Variants in NCKAP5 observed in about 807,000 individuals in gnomAD.
NCKAP5 encodes the protein NCK associated protein 5.
In NCKAP5, 92 loss-of-function variants were observed where a neutral mutation model predicts 167.0. The ratio of observed to expected loss-of-function variants is 0.55; its 90% CI spans 0.47 to 0.66. The LOEUF (loss-of-function observed/expected upper bound fraction) is 0.66, where lower values mean the gene tolerates loss of function less well. Ranked by LOEUF, NCKAP5 falls within the 30% of genes least tolerant of loss-of-function variation. The pLI, the probability that NCKAP5 is intolerant of heterozygous loss-of-function variation, is 0.00. For synonymous variants in NCKAP5, 891 were observed against 877.4 expected (o/e 1.02, Z -0.27); for missense variants, 2,378 against 2,315.0 (o/e 1.03, Z -0.56).
chr2:133,012,926 G>T (rs1331768611), intron 6 of NCKAP5, among the ~76,000 whole-genome samples: 1 of 152,104 alleles, frequency 6.6e-6, no homozygotes, highest in Non-Finnish European at 1.5e-5. Flanking sequence ...ATCTACAGGT[G>T]CCAGTCACCA....
At chr2:132,994,057 T>C in intron 7 of NCKAP5, 95 bp downstream of exon 7, 1 of 885,790 alleles carries the variant, frequency 1.1e-6, no homozygotes, top group Non-Finnish European at 1.7e-6. Flanking sequence ...GGAACACACC[T>C]TTTATTTATC....
chr2:133,001,865 C>G lies in NCKAP5; in HGVS notation c.342-7626G>C, dbSNP rs768794864. Among the ~76,000 whole-genome samples the G allele has an allele frequency of 4.1e-4, 63 of 152,118 alleles. 2 individuals carry two copies. The highest frequency in any genetic ancestry group is 7.4e-5 in the Non-Finnish European group (5 of 68,026). On this transcript the variant is annotated intron_variant, in intron 6 of 19. Coordinates refer to ENST00000409261, the MANE Select transcript of NCKAP5 (RefSeq NM_207363.3). Reference sequence around the variant, plus strand: ...ACTGAAAATATTCAGGAAAAAAAAACTGCACAAAGTTCCAAAAAGCAAACC... The same window carrying G: ...ACTGAAAATATTCAGGAAAAAAAAAGTGCACAAAGTTCCAAAAAGCAAACC...
intron 3 of NCKAP5, among the ~76,000 whole-genome samples, chr2:133,514,945 G>A (rs947942148): frequency 3.3e-5 from 5 of 151,838 alleles, no homozygotes; most frequent in Non-Finnish European, 7.4e-5. Context: ...AAAATAAAAA[G>A]CATGCATTGG....
chr2:133,045,385 A>ATC (rs2079361656), intron 6 of NCKAP5, among the ~76,000 whole-genome samples: 1 of 151,888 alleles, frequency 6.6e-6, no homozygotes, highest in African/African-American at 2.4e-5. Flanking sequence ...ATATCTATCT[A>ATC]TATATATATA....
chr2:132,863,056 G>A (rs1259090344), intron 10 of NCKAP5, among the ~76,000 whole-genome samples: 10 of 151,968 alleles, frequency 6.6e-5, no homozygotes, highest in African/African-American at 1.7e-4. Flanking sequence ...TCCTGATCTC[G>A]TGATCCACCC....
At chr2:132,720,596 A>T (rs1689815906) in intron 19 of NCKAP5, among the ~76,000 whole-genome samples, 1 of 152,160 alleles carries the variant, frequency 6.6e-6, no homozygotes, top group African/African-American at 2.4e-5. Flanking sequence ...GGAAGGAGCC[A>T]GGGCCAATGG....
At position 132,783,565 on chromosome 2, in the gene NCKAP5, T is replaced by G; in HGVS notation, c.3246A>C (p.Lys1082Asn). The G allele has an allele frequency of 6.2e-7, 1 of 1,613,884 alleles. No individual in the cohort carries two copies. The highest frequency in any genetic ancestry group is 8.5e-7 in the Non-Finnish European group (1 of 1,179,864). The change falls in exon 14 of 20, where the codon AAA becomes AAC. Residue 1082 changes from lysine (K) to asparagine (N), a missense_variant. By Grantham distance (94) the Lys-to-Asn change is moderately conservative. Coordinates refer to ENST00000409261, the MANE Select transcript of NCKAP5 (RefSeq NM_207363.3). The stretch of plus-strand genomic sequence containing the variant: ...GTCCTTTTCTCCCTGGAGATACACT[T>G]TTGGAGGACGTCATTTCCAGTGGCT... ...THEPLEMTSS[K>N]SVSPGRKGQL... is the part of the protein sequence containing the mutation.
At chr2:133,499,431 C>A (rs1355111747) in intron 3 of NCKAP5, among the ~76,000 whole-genome samples, 1 of 152,160 alleles carries the variant, frequency 6.6e-6, no homozygotes, top group African/African-American at 2.4e-5. Context: ...TTTCAAAAGG[C>A]CATGCAAAAA....
chr2:133,485,340 G>T (rs143083967), intron 3 of NCKAP5, among the ~76,000 whole-genome samples: 2 of 152,112 alleles, frequency 1.3e-5, no homozygotes, highest in East Asian at 3.9e-4. Flanking sequence ...ACAACAGATG[G>T]CCCATGCATT....
At chr2:133,208,137 G>A (rs543094413) in intron 5 of NCKAP5, among the ~76,000 whole-genome samples, 2 of 152,070 alleles carry the variant, frequency 1.3e-5, no homozygotes, top group African/African-American at 2.4e-5. Context: ...CCAGAGGTTC[G>A]AGACCAGCCT....
the NCKAP5 span, among the ~76,000 whole-genome samples, chr2:133,578,634 C>T: frequency 1.3e-5 from 2 of 152,216 alleles, no homozygotes; most frequent in Non-Finnish European, 2.9e-5. Context: ...GGCTGTGGCT[C>T]TGTCGTGCCT....
At chr2:133,237,855 C>T (rs1216088856) in intron 4 of NCKAP5, among the ~76,000 whole-genome samples, 1 of 152,204 alleles carries the variant, frequency 6.6e-6, no homozygotes, top group African/African-American at 2.4e-5. Flanking sequence ...ACCTCATGCA[C>T]TCAGACTGGA....
intron 4 of NCKAP5, among the ~76,000 whole-genome samples, chr2:133,225,293 C>T (rs2086833492): frequency 6.6e-6 from 1 of 152,100 alleles, no homozygotes; most frequent in African/African-American, 2.4e-5. Context: ...GCATTACATA[C>T]CTGTGGGGAA....
At chr2:133,200,143 GA>G (rs1313464793) in intron 5 of NCKAP5, among the ~76,000 whole-genome samples, 1 of 132,234 alleles carries the variant, frequency 7.6e-6, no homozygotes, top group Middle Eastern at 4.0e-3. Context: ...GCTTAGAATA[GA>G]AAAAAATCTT....
the NCKAP5 span, among the ~76,000 whole-genome samples, chr2:133,606,120 T>C: frequency 4.8e-5 from 7 of 145,052 alleles, no homozygotes; most frequent in African/African-American, 1.5e-4. Flanking sequence ...CTAACCAGAA[T>C]CAGATTCTAA....
At chr2:133,118,314 A>G (rs1000199964) in intron 6 of NCKAP5, 3 of 151,094 alleles carry the variant, frequency 2.0e-5, no homozygotes, top group African/African-American at 7.4e-5. Flanking sequence ...GTTTAGTAGT[A>G]TCTGCAAAAA....
intron 6 of NCKAP5, among the ~76,000 whole-genome samples, chr2:133,057,541 A>G (rs1364168854): frequency 6.6e-6 from 1 of 152,236 alleles, no homozygotes; most frequent in Admixed American, 6.5e-5. Context: ...AGGACAAAGC[A>G]GCTACAATAT....
At chr2:133,226,837 C>A (rs941483590) in intron 4 of NCKAP5, among the ~76,000 whole-genome samples, 1 of 152,118 alleles carries the variant, frequency 6.6e-6, no homozygotes, top group Middle Eastern at 3.2e-3. Flanking sequence ...TGTAAGCCAC[C>A]CCCATCTGCA....
chr2:133,525,433 C>G (rs570404877), intron 2 of NCKAP5, among the ~76,000 whole-genome samples: 1 of 152,170 alleles, frequency 6.6e-6, no homozygotes, highest in South Asian at 2.1e-4. Flanking sequence ...ATGGCCAACA[C>G]AGAGAACTCA....
Sources: allele counts gnomAD v4.1 joint callset (sites outside exome capture counted in the v4.1 genomes callset), GRCh38; gene constraint gnomAD v4.1.1; transcripts MANE v1.5; gene names NCBI Gene and HGNC (gene_info 2026-07-23, HGNC 2026-07-21).